PBX3: variants seen among roughly 807,000 people sequenced by gnomAD.
PBX3 encodes pre-B-cell leukemia transcription factor 3.
In PBX3, 14 loss-of-function variants were observed where a neutral mutation model predicts 48.5. The ratio of observed to expected loss-of-function variants is 0.29; its 90% CI spans 0.19 to 0.45. PBX3 has a LOEUF of 0.45. Among genes scored for constraint, PBX3 ranks in the 20% least tolerant of loss-of-function variants. PBX3 has a pLI of 1.00. For missense variants in PBX3, 386 were observed against 546.7 expected (o/e 0.71, Z 2.93); for synonymous variants, 210 against 200.3 (o/e 1.05, Z -0.41).
intron 8 of PBX3, 24 bp from the exon 9 acceptor site, chr9:125,965,807 G>T (rs200613608): frequency 1.3e-4 from 206 of 1,578,484 alleles, no homozygotes; most frequent in Non-Finnish European, 1.7e-4. Context: ...ACGTGCACCC[G>T]TTGAACTGTG....
intron 2 of PBX3, among the ~76,000 whole-genome samples, chr9:125,887,375 C>T (rs1375548312): frequency 6.6e-6 from 1 of 152,082 alleles, no homozygotes; most frequent in Non-Finnish European, 1.5e-5. Flanking sequence ...TAATTGATGG[C>T]TAAAGAAAAG....
At position 125,966,184 on chromosome 9, in the gene PBX3, T is replaced by C. The variant is rs144996442; in HGVS notation, c.*261T>C. 207 of 283,222 alleles carry C rather than the reference T, an allele frequency of 7.3e-4. 5 individuals are homozygous for C. The East Asian group carries it at 0.013, about 18-fold the overall frequency. 17.5% of individuals were successfully genotyped at this position (283,222 alleles called of 1,614,324 possible). A position where few individuals can be genotyped will look rare whatever the true frequency, so the allele number is the denominator to read the frequency against. Reference sequence around the variant, plus strand: ...ATTGTTGACAGTCCTGTAGCTATTTTATCATAATTTATTATCAATATTTTA... The same window carrying C: ...ATTGTTGACAGTCCTGTAGCTATTTCATCATAATTTATTATCAATATTTTA... On this transcript the variant is annotated 3_prime_UTR_variant, in exon 9 of 9. Coordinates refer to ENST00000373489, the MANE Select transcript of PBX3 (RefSeq NM_006195.6).
intron 2 of PBX3, among the ~76,000 whole-genome samples, chr9:125,815,781 C>A (rs574727203): frequency 2.0e-5 from 3 of 152,010 alleles, no homozygotes; most frequent in African/African-American, 7.2e-5. Flanking sequence ...ATTTACTGCC[C>A]CATTTCCTGT....
intron 5 of PBX3, among the ~76,000 whole-genome samples, chr9:125,952,728 A>G (rs190906952): frequency 1.5e-3 from 232 of 152,338 alleles, no homozygotes; most frequent in African/African-American, 5.1e-3. Context: ...ACTTAAACTC[A>G]TAAAGATTGT....
intron 5 of PBX3, among the ~76,000 whole-genome samples, chr9:125,947,489 G>T (rs1241204552): frequency 6.6e-6 from 1 of 152,032 alleles, no homozygotes; most frequent in African/African-American, 2.4e-5. Flanking sequence ...TAAATCTCTA[G>T]GGTAGTTACT....
chr9:125,765,173 G>T (rs1836770495), intron 2 of PBX3, among the ~76,000 whole-genome samples: 1 of 149,466 alleles, frequency 6.7e-6, no homozygotes, highest in Non-Finnish European at 1.5e-5. Flanking sequence ...TTTTTGAGAG[G>T]GTGTCTCACT....
chr9:125,768,724 A>G (rs1043576708), intron 2 of PBX3, among the ~76,000 whole-genome samples: 5 of 152,218 alleles, frequency 3.3e-5, no homozygotes, highest in African/African-American at 7.2e-5. Context: ...GGCCTCATAC[A>G]GATACCTAAT....
At chr9:125,780,213 G>A (rs866427767) in intron 2 of PBX3, among the ~76,000 whole-genome samples, 9 of 129,650 alleles carry the variant, frequency 6.9e-5, no homozygotes, top group East Asian at 2.8e-4. Context: ...CCTCCCTCCC[G>A]GACGGGTCGG....
chr9:125,752,784 C>T (rs371719777), intron 2 of PBX3, among the ~76,000 whole-genome samples: 1 of 152,136 alleles, frequency 6.6e-6, no homozygotes, highest in South Asian at 2.1e-4. Flanking sequence ...ATATATTAGT[C>T]TAAATGTTAT....
intron 7 of PBX3, among the ~76,000 whole-genome samples, chr9:125,962,772 A>G (rs964497325): frequency 3.3e-5 from 5 of 152,248 alleles, no homozygotes; most frequent in African/African-American, 7.2e-5. Flanking sequence ...TGGTTGCTGT[A>G]GATGGAAAGT....
chr9:125,930,939 C>T (rs1399879512), intron 4 of PBX3, among the ~76,000 whole-genome samples: 1 of 152,182 alleles, frequency 6.6e-6, no homozygotes, highest in East Asian at 1.9e-4. Flanking sequence ...AGGCCTGTTC[C>T]TGTCTGCATT....
chr9:125,826,429 A>C (rs1227050205), intron 2 of PBX3, among the ~76,000 whole-genome samples: 2 of 152,160 alleles, frequency 1.3e-5, no homozygotes. Flanking sequence ...GCTTGTCTGG[A>C]ATATTCACAA....
intron 3 of PBX3, among the ~76,000 whole-genome samples, chr9:125,927,573 C>G (rs1282442389): frequency 2.0e-5 from 3 of 152,184 alleles, no homozygotes; most frequent in African/African-American, 7.2e-5. Flanking sequence ...TTTCTGTCTT[C>G]TCACTCCATC....
At chr9:125,852,703 C>G (rs1363741309) in intron 2 of PBX3, among the ~76,000 whole-genome samples, 2 of 152,048 alleles carry the variant, frequency 1.3e-5, no homozygotes, top group African/African-American at 2.4e-5. Flanking sequence ...TGTTTTTATT[C>G]TGTTATGAAA....
In PBX3 at chr9:125,963,079, T is replaced by C. The variant is rs138731813; in HGVS notation, c.1190T>C (p.Leu397Pro). 74 of 1,603,012 alleles carry C rather than the reference T, an allele frequency of 4.6e-5. No individual in the cohort carries two copies. The highest frequency in any genetic ancestry group is 5.6e-5 in the Non-Finnish European group (66 of 1,171,192). The change falls in exon 8 of 9, where the codon CTG (leucine) becomes CCG (proline). Residue 397 changes from leucine (L) to proline (P), a missense_variant. Transcript: ENST00000373489. Reference protein sequence around the residue: ...GYSDGLGGNSLYSPHNLNANG... With the variant: ...GYSDGLGGNSPYSPHNLNANG... The stretch of plus-strand genomic sequence containing the variant: ...AGTGATGGCCTTGGAGGAAATTCAC[T>C]GTACAGTCCACATAATTTAAATGTG...
At chr9:125,803,397 G>A (rs1358978948) in intron 2 of PBX3, among the ~76,000 whole-genome samples, 1 of 151,626 alleles carries the variant, frequency 6.6e-6, no homozygotes, top group Non-Finnish European at 1.5e-5. Flanking sequence ...CCCCACTGAT[G>A]TCTTTTATAA....
intron 2 of PBX3, among the ~76,000 whole-genome samples, chr9:125,907,996 A>G (rs1841116058): frequency 6.6e-6 from 1 of 152,224 alleles, no homozygotes; most frequent in Non-Finnish European, 1.5e-5. Context: ...CTTGGCATGT[A>G]GTATGTATGC....
At chr9:125,865,663 C>T (rs918705084) in intron 2 of PBX3, among the ~76,000 whole-genome samples, 20 of 152,106 alleles carry the variant, frequency 1.3e-4, no homozygotes, top group African/African-American at 4.6e-4. Context: ...TAACATTTCC[C>T]TTTTCAAAAG....
At position 125,962,152 on chromosome 9, in the gene PBX3, A is replaced by C; in HGVS notation, c.1060A>C (p.Met354Leu). Residue 354 changes from methionine to leucine, a missense_variant, in exon 7 of 9, where the codon ATG becomes CTG. Coordinates refer to ENST00000373489, the MANE Select transcript of PBX3 (RefSeq NM_006195.6). ...AAATTCTGGGGACATGTTCATGAAC[A>C]TGCAGAGTCTGAATGGGGATTCTTA... ...LPNSGDMFMN[M>L]QSLNGDSYQG... The C allele has an allele frequency of 6.2e-7, 1 of 1,613,524 alleles. No individual in the cohort carries two copies. The highest frequency in any genetic ancestry group is 8.5e-7 in the Non-Finnish European group (1 of 1,179,512).
Sources: allele counts gnomAD v4.1 joint callset (sites outside exome capture counted in the v4.1 genomes callset), GRCh38; gene constraint gnomAD v4.1.1; transcripts MANE v1.5; gene names NCBI Gene and HGNC (gene_info 2026-07-23, HGNC 2026-07-21).